Variants in METTL15 observed in about 807,000 individuals in gnomAD.
METTL15 encodes 12S rRNA N(4)-cytidine methyltransferase METTL15.
In METTL15, 34 loss-of-function variants were observed where a neutral mutation model predicts 38.3. That is an observed-to-expected ratio of 0.89 (90% CI 0.68 to 1.18). The LOEUF (loss-of-function observed/expected upper bound fraction) is 1.18, where lower values mean the gene tolerates loss of function less well. METTL15 is among the 50% of genes most tolerant of loss of function. The probability of loss-of-function intolerance (pLI) is 0.00; values close to 1 mark genes in which losing one functional copy is unlikely to be tolerated. For missense variants in METTL15, 438 were observed against 498.4 expected, an observed-to-expected ratio of 0.88 and a Z score of 1.15; for synonymous variants, 162 against 170.9, an observed-to-expected ratio of 0.95 and a Z score of 0.41.
intron 6 of METTL15, among the ~76,000 whole-genome samples, chr11:28,434,780 G>A (rs1013982393): frequency 6.6e-5 from 10 of 152,328 alleles, no homozygotes; most frequent in Middle Eastern, 3.4e-3. Context: ...TTGGGCATCT[G>A]CAGTCAGCTG....
chr11:28,167,719 C>G (rs1850705099), intron 3 of METTL15, among the ~76,000 whole-genome samples: 2 of 151,278 alleles, frequency 1.3e-5, no homozygotes, highest in Admixed American at 1.3e-4. Context: ...ATACTAGATT[C>G]ATATCTAGTA....
chr11:28,283,396 TAAC>T (rs1387090988), intron 4 of METTL15, among the ~76,000 whole-genome samples: 1 of 152,188 alleles, frequency 6.6e-6, no homozygotes, highest in East Asian at 1.9e-4. Flanking sequence ...GAGCACTTAT[TAAC>T]TACAGGATGC....
chr11:28,216,504 AAT>A (rs1334928527), intron 4 of METTL15, among the ~76,000 whole-genome samples: 3 of 152,190 alleles, frequency 2.0e-5, no homozygotes, highest in Non-Finnish European at 2.9e-5. Context: ...TGAAAATTTG[AAT>A]ATACAAGTTC....
At chr11:28,181,770 C>A (rs1303161217) in intron 3 of METTL15, among the ~76,000 whole-genome samples, 1 of 152,086 alleles carries the variant, frequency 6.6e-6, no homozygotes, top group Non-Finnish European at 1.5e-5. Context: ...TTGGTATATA[C>A]CCAGTAATGG....
intron 3 of METTL15, among the ~76,000 whole-genome samples, chr11:28,113,850 T>G: frequency 6.6e-6 from 1 of 152,204 alleles, no homozygotes; most frequent in Non-Finnish European, 1.5e-5. Flanking sequence ...AATAACTTGA[T>G]TATAAAATAG....
At chr11:28,325,781 A>G (rs376762423) in intron 6 of METTL15, among the ~76,000 whole-genome samples, 1 of 152,212 alleles carries the variant, frequency 6.6e-6, no homozygotes, top group Non-Finnish European at 1.5e-5. Context: ...AAGAATCACA[A>G]GCTTCTCTGT....
intron 4 of METTL15, chr11:28,287,383 G>A: frequency 2.9e-6 from 1 of 347,832 alleles, no homozygotes; most frequent in South Asian, 2.5e-5. Context: ...TCTTTGAGTT[G>A]TACATCAAAT....
At chr11:28,257,695 A>G (rs558766520) in intron 4 of METTL15, among the ~76,000 whole-genome samples, 17 of 152,222 alleles carry the variant, frequency 1.1e-4, no homozygotes, top group Non-Finnish European at 2.1e-4. Context: ...ATTCTTCAGT[A>G]TGCCAATTGC....
intron 4 of METTL15, among the ~76,000 whole-genome samples, chr11:28,266,497 C>T (rs547099576): frequency 1.3e-5 from 2 of 152,286 alleles, no homozygotes; most frequent in East Asian, 1.9e-4. Context: ...AAACTGAACA[C>T]CTGATTTTCA....
intron 4 of METTL15, among the ~76,000 whole-genome samples, chr11:28,232,080 G>C (rs1312479256): frequency 6.6e-6 from 1 of 151,804 alleles, no homozygotes; most frequent in Admixed American, 6.6e-5. Flanking sequence ...AATGTAAATA[G>C]AACCTTTAAA....
At chr11:28,259,095 G>T (rs1379693056) in intron 4 of METTL15, among the ~76,000 whole-genome samples, 2 of 152,020 alleles carry the variant, frequency 1.3e-5, no homozygotes, top group African/African-American at 4.8e-5. Context: ...TAACAGGTAT[G>T]ATGAGTCCTG....
chr11:28,232,586 C>A (rs187038667), intron 4 of METTL15, among the ~76,000 whole-genome samples: 1 of 151,436 alleles, frequency 6.6e-6, no homozygotes, highest in South Asian at 2.1e-4. Flanking sequence ...TATATGAACA[C>A]GTTTATTTAT....
In METTL15 at chr11:28,494,126, A is replaced by AG. The variant is rs539331447; in HGVS notation, c.*425-32352_*425-32351insG. On this transcript the variant is annotated intron_variant and NMD_transcript_variant, in intron 6 of 7. Coordinates refer to the METTL15 transcript ENST00000532947. Reference sequence around the variant, plus strand: ...AACAAATTAGGATGAAAGATGTCTCATTTTTTAATTGAAGGAAACTGGGTG... The same window carrying AG: ...AACAAATTAGGATGAAAGATGTCTCAGTTTTTTAATTGAAGGAAACTGGGTG... Among the ~76,000 whole-genome samples, 32 of 152,314 alleles carry AG rather than the reference A, an allele frequency of 2.1e-4. No homozygotes were observed. In the South Asian group the frequency reaches 6.2e-3, roughly 30 times the overall value.
In METTL15 at chr11:28,378,550, C is replaced by G. The variant is rs908821213; in HGVS notation, c.*358+16514C>G. ...GCGTGCACCCACTGACCTGCACCCA[C>G]TGTCTGGCACTCCCTAGTGAGATGA... On this transcript the variant is annotated intron_variant and NMD_transcript_variant, in intron 5 of 7. Transcript: ENST00000532947. Among the ~76,000 whole-genome samples, 4 of 152,302 alleles carry G rather than the reference C, an allele frequency of 2.6e-5. No homozygotes were observed. The East Asian group carries it at 5.8e-4, about 22-fold the overall frequency.
intron 3 of METTL15, among the ~76,000 whole-genome samples, chr11:28,124,282 A>G (rs1852377315): frequency 1.3e-5 from 2 of 152,102 alleles, no homozygotes; most frequent in Non-Finnish European, 2.9e-5. Flanking sequence ...CCCTTAGGAC[A>G]GCTATTTGGC....
At chr11:28,430,138 A>T (rs1479392416) in intron 6 of METTL15, among the ~76,000 whole-genome samples, 1 of 150,564 alleles carries the variant, frequency 6.6e-6, no homozygotes, top group African/African-American at 2.5e-5. Flanking sequence ...CCCGTCTGAG[A>T]AGTGAGGAGC....
intron 5 of METTL15, among the ~76,000 whole-genome samples, chr11:28,385,188 G>T (rs537090678): frequency 6.6e-6 from 1 of 152,008 alleles, no homozygotes; most frequent in Non-Finnish European, 1.5e-5. Context: ...TTGCAATTGC[G>T]TTTGACATCT....
At chr11:28,395,481 A>T (rs1850558296) in intron 5 of METTL15, among the ~76,000 whole-genome samples, 1 of 152,150 alleles carries the variant, frequency 6.6e-6, no homozygotes, top group Non-Finnish European at 1.5e-5. Context: ...AAACACCTCT[A>T]CACAAATAAA....
chr11:28,147,501 T>C (rs561643500), intron 3 of METTL15, among the ~76,000 whole-genome samples: 1 of 151,970 alleles, frequency 6.6e-6, no homozygotes, highest in Non-Finnish European at 1.5e-5. Flanking sequence ...TTCTTTATAG[T>C]ATGTAAAATT....
Sources: allele counts gnomAD v4.1 joint callset (sites outside exome capture counted in the v4.1 genomes callset), GRCh38; gene constraint gnomAD v4.1.1; transcripts MANE v1.5; gene names NCBI Gene and HGNC (gene_info 2026-07-23, HGNC 2026-07-21).